Variants in NIPSNAP1 observed in about 807,000 individuals in gnomAD.
NIPSNAP1 encodes the protein protein NipSnap homolog 1.
In NIPSNAP1, 25 loss-of-function variants were observed where a neutral mutation model predicts 49.2. The ratio of observed to expected loss-of-function variants is 0.51; its 90% confidence interval spans 0.37 to 0.71. The LOEUF (loss-of-function observed/expected upper bound fraction) is 0.71, where lower values mean the gene tolerates loss of function less well. NIPSNAP1 is among the 30% of genes least tolerant of loss of function. NIPSNAP1 has a pLI of 0.00. For missense variants in NIPSNAP1, 294 were observed against 361.0 expected (o/e 0.81, Z 1.50); for synonymous variants, 143 against 140.7 (o/e 1.02, Z -0.12).
At chr22:29,561,952 A>C in intron 4 of NIPSNAP1, 90 bp from the exon 5 acceptor site, 1 of 1,190,744 alleles carries the variant, frequency 8.4e-7, no homozygotes, top group Admixed American at 1.8e-5. Context: ...GGGACGGGGG[A>C]GGCGGGGTGG....
intron 1 of NIPSNAP1, 110 bp downstream of exon 1, chr22:29,580,875 C>T: frequency 1.1e-6 from 1 of 889,576 alleles, no homozygotes; most frequent in Admixed American, 3.0e-5. Context: ...CGCCTCTAAC[C>T]CCCAGATTCC....
intron 6 of NIPSNAP1, 73 bp downstream of exon 6, chr22:29,561,433 G>A (rs574268263): frequency 1.3e-6 from 2 of 1,594,476 alleles, no homozygotes; most frequent in African/African-American, 1.3e-5. Context: ...CAGTCTAGGT[G>A]TTGGGGCAGC....
chr22:29,577,243 C>G (rs1185786001), intron 1 of NIPSNAP1, among the ~76,000 whole-genome samples: 1 of 150,976 alleles, frequency 6.6e-6, no homozygotes, highest in Non-Finnish European at 1.5e-5. Context: ...TGAGCACCAC[C>G]ACGTCTGGCT....
At chr22:29,575,210 G>A (rs1185720614) in intron 1 of NIPSNAP1, among the ~76,000 whole-genome samples, 12 of 152,142 alleles carry the variant, frequency 7.9e-5, no homozygotes, top group African/African-American at 2.2e-4. Flanking sequence ...GGACTAGACA[G>A]AGTAATTTAT....
intron 1 of NIPSNAP1, among the ~76,000 whole-genome samples, chr22:29,572,723 T>C (rs2064419074): frequency 1.3e-5 from 2 of 151,972 alleles, no homozygotes; most frequent in Admixed American, 1.3e-4. Context: ...CACTTGAGCC[T>C]GGGAGGTTGA....
At chr22:29,561,945 A>C (rs931271948) in intron 4 of NIPSNAP1, 83 bp from the exon 5 acceptor site, 14 of 1,310,208 alleles carry the variant, frequency 1.1e-5, no homozygotes, top group South Asian at 9.5e-5. Flanking sequence ...AGTGGTGGGG[A>C]CGGGGGAGGC....
intron 8 of NIPSNAP1, 98 bp from the exon 9 acceptor site, chr22:29,559,051 C>A (rs2064315781): frequency 7.2e-6 from 6 of 831,786 alleles, no homozygotes; most frequent in Admixed American, 1.7e-5. Context: ...CCCTGCACTG[C>A]TGTCTCCTCC....
At chr22:29,566,488 C>A (rs2064369110) in intron 4 of NIPSNAP1, among the ~76,000 whole-genome samples, 1 of 152,058 alleles carries the variant, frequency 6.6e-6, no homozygotes. Context: ...ACAGCTTGAA[C>A]TTTAAATTTT....
chr22:29,565,043 A>G (rs2064359963), intron 4 of NIPSNAP1, among the ~76,000 whole-genome samples: 1 of 151,768 alleles, frequency 6.6e-6, no homozygotes, highest in Non-Finnish European at 1.5e-5. Flanking sequence ...CAAACAAACA[A>G]AACAAAACAA....
At chr22:29,580,319 G>C (rs956363589) in intron 1 of NIPSNAP1, 2 of 963,136 alleles carry the variant, frequency 2.1e-6, no homozygotes, top group African/African-American at 1.8e-5. Context: ...CCAAGCCCTA[G>C]CTCAGCCCAG....
intron 1 of NIPSNAP1, among the ~76,000 whole-genome samples, chr22:29,577,439 G>A (rs184924972): frequency 6.8e-6 from 1 of 146,542 alleles, no homozygotes; most frequent in East Asian, 2.0e-4. Context: ...TTTTTCTTGA[G>A]ACGAAGTCTC....
chr22:29,580,129 A>T, intron 1 of NIPSNAP1: 1 of 1,304,176 alleles, frequency 7.7e-7, no homozygotes, highest in Non-Finnish European at 1.0e-6. Flanking sequence ...GACCATACAC[A>T]GTCCTGAGCC....
In NIPSNAP1 at chr22:29,569,094, G is replaced by C. The variant is rs144311504; in HGVS notation, c.367+99C>G. 2.6e-4 allele frequency: 230 copies of C among 879,442 alleles called. 3 individuals are homozygous for C. In the East Asian group the frequency reaches 5.9e-3, roughly 23 times the overall value. 54.5% of individuals were successfully genotyped at this position (879,442 alleles called of 1,614,324 possible). On this transcript the variant is annotated intron_variant, in intron 4 of 9. Coordinates refer to ENST00000216121, the MANE Select transcript of NIPSNAP1 (RefSeq NM_003634.4). Reference sequence around the variant, plus strand: ...GAGGTTTTAGTAAGAGCCCCACCAGGTGCTGTTGTGGAGAGGGAGTGGAGA... The same window carrying C: ...GAGGTTTTAGTAAGAGCCCCACCAGCTGCTGTTGTGGAGAGGGAGTGGAGA...
Position 29,555,948 on chromosome 22 carries a change from G to C in NIPSNAP1, c.842C>G (p.Ser281Trp). 1.9e-6 allele frequency: 3 copies of C among 1,551,812 alleles called. No individual in the cohort carries two copies. The highest frequency in any genetic ancestry group is 1.4e-5 in the African/African-American group (1 of 73,120). ...GTGTAGGCAGCATCACTGCAGAGGC[G>C]AGATCTTCAAGGGGATCATGATCCT... Reference protein sequence around the residue: ...ESRIMIPLKISPLQ With the variant: ...ESRIMIPLKIWPLQ The change falls in exon 10 of 10, where the codon TCG becomes TGG. Residue 281 changes from serine (S) to tryptophan (W), a missense_variant. Physicochemically the swap from Ser to Trp is radical, Grantham distance 177. Around this residue, in one of 4 missense-constraint regions of NIPSNAP1, gnomAD observed 146 missense variants for 219.9 expected, o/e 0.66. Transcript: ENST00000216121.
intron 8 of NIPSNAP1, among the ~76,000 whole-genome samples, chr22:29,559,634 A>G (rs74916285): frequency 0.048 from 7,335 of 151,960 alleles, 214 homozygotes; most frequent in African/African-American, 0.081. Context: ...TCAGGAGATG[A>G]CACACAGCAG....
In NIPSNAP1 at chr22:29,581,007, C is replaced by T; in HGVS notation, c.76G>A (p.Val26Ile). The change falls in exon 1 of 10, where the codon GTT becomes ATT. Residue 26 changes from valine (V) to isoleucine (I), a missense_variant. Physicochemically the swap from Val to Ile is conservative, Grantham distance 29. This residue lies in a region of NIPSNAP1 where 88 missense variants were observed against 76.1 expected (regional missense o/e 1.16). Transcript: ENST00000216121. ...CACCGCGCCGCAGCTGCAGACGCAACGTCCCCAGCGCGAGGCCCCGGGCCC... is the reference window on the plus strand; with the variant it reads ...CACCGCGCCGCAGCTGCAGACGCAATGTCCCCAGCGCGAGGCCCCGGGCCC... ...LGGPGPRAGD[V>I]ASAAAARFYS... is the part of the protein sequence containing the mutation. The T allele has an allele frequency of 6.5e-7, 1 of 1,533,782 alleles. No individual in the cohort carries two copies.
At chr22:29,573,426 G>A (rs975593670) in intron 1 of NIPSNAP1, among the ~76,000 whole-genome samples, 1 of 152,134 alleles carries the variant, frequency 6.6e-6, no homozygotes, top group Non-Finnish European at 1.5e-5. Context: ...GGGAGGCCGA[G>A]GCAGGCGGAT....
At chr22:29,570,554 G>A (rs1335532531) in intron 1 of NIPSNAP1, 22 bp from the exon 2 acceptor site, 19 of 1,608,796 alleles carry the variant, frequency 1.2e-5, no homozygotes, top group Non-Finnish European at 1.5e-5. Flanking sequence ...AGGAGTTGAG[G>A]GGGACGCGCG....
At chr22:29,576,621 A>C (rs979545023) in intron 1 of NIPSNAP1, among the ~76,000 whole-genome samples, 1 of 151,298 alleles carries the variant, frequency 6.6e-6, no homozygotes, top group Non-Finnish European at 1.5e-5. Flanking sequence ...AAAAGTATGA[A>C]ACAAAAGAAA....
Sources: allele counts gnomAD v4.1 joint callset (sites outside exome capture counted in the v4.1 genomes callset), GRCh38; gene constraint gnomAD v4.1.1; regional missense constraint gnomAD v4.1.1; transcripts MANE v1.5; gene names NCBI Gene and HGNC (gene_info 2026-07-23, HGNC 2026-07-21).